The following PCDHGB1 variants were observed in gnomAD, a reference collection of about 807,000 sequenced individuals.
PCDHGB1 encodes the protein protocadherin gamma-B1.
A neutral mutation model predicts 56.6 loss-of-function variants in PCDHGB1; 34 were observed. The ratio of observed to expected loss-of-function variants is 0.60; its 90% confidence interval spans 0.46 to 0.80. The LOEUF (loss-of-function observed/expected upper bound fraction) is 0.80. Ranked by LOEUF, PCDHGB1 falls within the 30% of genes least tolerant of loss-of-function variation. The probability of loss-of-function intolerance (pLI) is 0.00; values close to 1 mark genes in which losing one functional copy is unlikely to be tolerated. For synonymous variants in PCDHGB1, 561 were observed against 505.9 expected, an observed-to-expected ratio of 1.11 and a Z score of -1.46; for missense variants, 1,278 against 1,204.6, an observed-to-expected ratio of 1.06 and a Z score of -0.90.
At chr5:141,422,781 A>C (rs746943605) in intron 1 of PCDHGB1, 13 of 1,613,964 alleles carry the variant, frequency 8.1e-6, no homozygotes, top group African/African-American at 1.3e-5. Flanking sequence ...TCTATGCCCT[A>C]CAATCCTTCG....
chr5:141,436,140 A>G (rs1324666699), intron 1 of PCDHGB1, among the ~76,000 whole-genome samples: 2 of 152,224 alleles, frequency 1.3e-5, no homozygotes, highest in Non-Finnish European at 2.9e-5. Flanking sequence ...TCTTGTATGA[A>G]CTACCAAAAT....
At position 141,487,741 on chromosome 5, in the gene PCDHGB1, A is replaced by C. The variant is rs773413559; in HGVS notation, c.2410-7066A>C. 1.6e-4 allele frequency: 247 copies of C among 1,561,638 alleles called. 1 individual carries two copies. The highest frequency in any genetic ancestry group is 2.1e-4 in the Non-Finnish European group (244 of 1,151,698). On this transcript the variant is annotated intron_variant, in intron 1 of 3. Coordinates refer to ENST00000523390, the MANE Select transcript of PCDHGB1 (RefSeq NM_018922.3). This position sits in a 1 kb window ranked among gnomAD's most constrained non-coding sequence, Gnocchi z 5.0. ...ATAGTGATGTCACCATTTTTGTAAG[A>C]GGTAACTATGTGGTAGACGCTGTGC... is the stretch of plus-strand genomic sequence containing the variant.
In PCDHGB1 at chr5:141,350,950, G is replaced by T. The variant is rs781241590; in HGVS notation, c.690G>T (p.Thr230=). 1.2e-6 allele frequency: 2 copies of T among 1,613,932 alleles called. No homozygotes were observed. Among genetic ancestry groups the T allele is most frequent in the African/African-American group, 1.3e-5 (1 of 74,958 alleles). Residue 230 remains threonine (T), a synonymous_variant, in exon 1 of 4, where the codon ACG becomes ACT. Coordinates refer to ENST00000523390, the MANE Select transcript of PCDHGB1 (RefSeq NM_018922.3). The part of the protein sequence containing the change: ...SGTTHIWIRV[T]DANDNAPVFS... Reference sequence around the variant, plus strand: ...CCACCCATATCTGGATCCGAGTTACGGATGCCAATGATAATGCTCCCGTGT... The same window carrying T: ...CCACCCATATCTGGATCCGAGTTACTGATGCCAATGATAATGCTCCCGTGT...
At chr5:141,384,573 C>A in intron 1 of PCDHGB1, 1 of 1,614,250 alleles carries the variant, frequency 6.2e-7, no homozygotes, top group Non-Finnish European at 8.5e-7. Context: ...AGAATGACAA[C>A]CCGCCCGAGA....
At position 141,494,925 on chromosome 5, in the gene PCDHGB1, G is replaced by A. The variant is rs936071950; in HGVS notation, c.2468+60G>A. On this transcript the variant is annotated intron_variant, in intron 2 of 3. Coordinates refer to ENST00000523390, the MANE Select transcript of PCDHGB1 (RefSeq NM_018922.3). ...TGCGGCATTTTCTCAGGGATGACGT[G>A]GGAGGAGATGGGGGAGGGCCCAGCA... is the stretch of plus-strand genomic sequence containing the variant. The A allele has an allele frequency of 3.3e-4, 525 of 1,613,316 alleles. 2 individuals carry two copies. Among genetic ancestry groups the A allele is most frequent in the Admixed American group, 4.7e-4 (28 of 59,956 alleles).
rs1366069442 is a variant in PCDHGB1 at position 141,351,589 on chromosome 5, C to T, written c.1329C>T (p.Asp443=). 1.2e-6 allele frequency: 2 copies of T among 1,614,082 alleles called. No homozygotes were observed. Among genetic ancestry groups the T allele is most frequent in the Admixed American group, 1.7e-5 (1 of 60,034 alleles). Residue 443 remains aspartate (D), a synonymous_variant, in exon 1 of 4, where the codon GAC becomes GAT. Transcript: ENST00000523390. ...SITLHISDIN[D]NAPVFHQASY... ...CCCTGCACATCTCCGACATCAACGA[C>T]AATGCACCTGTTTTCCATCAGGCCT...
intron 1 of PCDHGB1, among the ~76,000 whole-genome samples, chr5:141,455,161 T>G (rs6861291): frequency 0.084 from 8,821 of 104,682 alleles, 480 homozygotes; most frequent in African/African-American, 0.22. Context: ...AGTTTGTTGG[T>G]TTTTTTTTTA....
At chr5:141,364,424 C>T (rs1029173533) in intron 1 of PCDHGB1, 1 of 1,613,570 alleles carries the variant, frequency 6.2e-7, no homozygotes, top group Non-Finnish European at 8.5e-7. Context: ...CGGGCAGATC[C>T]GCTACTCGAT....
rs1248410660 is a variant in PCDHGB1, at chr5:141,394,098, A to G, written c.2409+41429A>G. On this transcript the variant is annotated intron_variant, in intron 1 of 3. Transcript: ENST00000523390. The stretch of plus-strand genomic sequence containing the variant: ...CACAGTGATGGCCTCAGATCTAGGA[A>G]CACCACCTCTGTCCACTGAAACTCA... 2.5e-6 allele frequency: 4 copies of G among 1,613,854 alleles called. No individual in the cohort carries two copies. In the East Asian group the frequency reaches 8.9e-5, roughly 36 times the overall value.
intron 1 of PCDHGB1, chr5:141,364,307 A>G: frequency 1.3e-6 from 2 of 1,522,550 alleles, no homozygotes; most frequent in Non-Finnish European, 1.8e-6. Context: ...CAGAACTAAG[A>G]GAAAATTGGG....
intron 1 of PCDHGB1, 100 bp from the exon 2 acceptor site, chr5:141,494,707 G>A: frequency 2.5e-6 from 4 of 1,599,238 alleles, no homozygotes; most frequent in Non-Finnish European, 3.4e-6. Context: ...TCTTCTCTGT[G>A]CCCACTCCCC....
At chr5:141,410,722 ATCC>A (rs2154543211) in intron 1 of PCDHGB1, 21 of 1,396,054 alleles carry the variant, frequency 1.5e-5, no homozygotes, top group Non-Finnish European at 2.0e-5. Context: ...TATGTTTAAA[ATCC>A]ATAGCTTTTT....
At position 141,511,235 on chromosome 5, in the gene PCDHGB1, C is replaced by G; in HGVS notation, c.*62C>G. On this transcript the variant is annotated 3_prime_UTR_variant, in exon 4 of 4. Transcript: ENST00000523390. ...CCCCAACCAGCCCAGCTTCTCCTTA[C>G]CTGCACCCAGGCCTCAGAGTTTCAG... 2 of 1,592,936 alleles carry G rather than the reference C, an allele frequency of 1.3e-6. No homozygotes were observed. The highest frequency in any genetic ancestry group is 1.7e-6 in the Non-Finnish European group (2 of 1,169,652).
At chr5:141,460,842 C>T (rs1339558359) in intron 1 of PCDHGB1, among the ~76,000 whole-genome samples, 2 of 150,412 alleles carry the variant, frequency 1.3e-5, no homozygotes, top group African/African-American at 2.4e-5. Flanking sequence ...GTAATGGCCT[C>T]CAGTTCGATC....
intron 1 of PCDHGB1, chr5:141,390,281 G>A (rs995951705): frequency 1.9e-6 from 3 of 1,613,968 alleles, no homozygotes; most frequent in Middle Eastern, 1.6e-4. Context: ...CTTCCCATCA[G>A]GTGAGTTTCC....
chr5:141,399,430 A>G (rs758530359), intron 1 of PCDHGB1: 12 of 1,614,016 alleles, frequency 7.4e-6, no homozygotes, highest in Non-Finnish European at 1.0e-5. Context: ...CATAAGCGTC[A>G]TCCTACATAT....
At chr5:141,419,464 C>T (rs199965876) in intron 1 of PCDHGB1, 35 of 1,612,542 alleles carry the variant, frequency 2.2e-5, no homozygotes, top group Middle Eastern at 1.7e-4. Context: ...TGCAGGCCCG[C>T]GACCAGGGCT....
intron 1 of PCDHGB1, among the ~76,000 whole-genome samples, chr5:141,448,614 A>G (rs985924011): frequency 1.3e-5 from 2 of 152,070 alleles, no homozygotes; most frequent in East Asian, 1.9e-4. Flanking sequence ...ACCACTTTAT[A>G]TCTTCCTTTC....
chr5:141,505,338 G>T, intron 2 of PCDHGB1, 55 bp from the exon 3 acceptor site: 1 of 1,612,254 alleles, frequency 6.2e-7, no homozygotes, highest in South Asian at 1.1e-5. Flanking sequence ...GGACAGGAGG[G>T]GCATGAGCTG....
Sources: allele counts gnomAD v4.1 joint callset (sites outside exome capture counted in the v4.1 genomes callset), GRCh38; gene constraint gnomAD v4.1.1; non-coding constraint Gnocchi (gnomAD v3.1); transcripts MANE v1.5; gene names NCBI Gene and HGNC (gene_info 2026-07-23, HGNC 2026-07-21).